Variants in PDE3A observed in about 807,000 individuals in gnomAD.
PDE3A encodes the protein cGMP-inhibited 3',5'-cyclic phosphodiesterase 3A.
A neutral mutation model predicts 98.3 loss-of-function variants in PDE3A; 43 were observed. The observed-to-expected ratio is 0.44, with a 90% confidence interval of 0.34 to 0.56. The LOEUF is 0.56. PDE3A is among the 20% of genes least tolerant of loss of function. The pLI is 0.01. For missense variants in PDE3A, 1,427 were observed against 1,440.7 expected, an observed-to-expected ratio of 0.99 and a Z score of 0.15; for synonymous variants, 663 against 567.9, an observed-to-expected ratio of 1.17 and a Z score of -2.38.
At chr12:20,668,673 G>C (rs1199961682) in intron 15 of PDE3A, among the ~76,000 whole-genome samples, 1 of 150,370 alleles carries the variant, frequency 6.7e-6, no homozygotes, top group Admixed American at 6.6e-5. Flanking sequence ...AAACAGAAAG[G>C]ACATCCACAC....
At chr12:20,677,642 G>A (rs1402971650) in intron 15 of PDE3A, among the ~76,000 whole-genome samples, 1 of 152,064 alleles carries the variant, frequency 6.6e-6, no homozygotes, top group East Asian at 1.9e-4. Flanking sequence ...TGTATTTTTA[G>A]TAGAGACGGG....
At chr12:20,627,619 C>A (rs1944294955) in intron 5 of PDE3A, among the ~76,000 whole-genome samples, 1 of 151,564 alleles carries the variant, frequency 6.6e-6, no homozygotes, top group Admixed American at 6.6e-5. Context: ...ATCTAAAGAG[C>A]ATTTCTGTTC....
At chr12:20,659,316 C>T (rs1159018311) in intron 15 of PDE3A, among the ~76,000 whole-genome samples, 1 of 152,026 alleles carries the variant, frequency 6.6e-6, no homozygotes, top group Non-Finnish European at 1.5e-5. Context: ...TTATTCTGTA[C>T]AGTACAAGAA....
rs950522731 is a variant in PDE3A, at chr12:20,553,585, G to T, written c.961-3075G>T. On this transcript the variant is annotated intron_variant, in intron 1 of 15. Transcript: ENST00000359062. ...CATCTCGGGCCTAGTTCAAACCTTTGCCTCAAAGCCATCCCCCACCAGACT... is the reference window on the plus strand; with the variant it reads ...CATCTCGGGCCTAGTTCAAACCTTTTCCTCAAAGCCATCCCCCACCAGACT... 9.5e-5 allele frequency among the ~76,000 whole-genome samples: 14 copies of T among 146,624 alleles called. No homozygotes were observed. In the East Asian group the frequency reaches 2.4e-3, roughly 25 times the overall value.
chr12:20,571,752 A>T, intron 2 of PDE3A: 1 of 183,156 alleles, frequency 5.5e-6, no homozygotes, highest in Non-Finnish European at 1.0e-5. Context: ...TCCCAGCTCT[A>T]AGCACTGTTT....
At chr12:20,376,847 T>C (rs1267887557) in intron 1 of PDE3A, among the ~76,000 whole-genome samples, 1 of 151,864 alleles carries the variant, frequency 6.6e-6, no homozygotes, top group Admixed American at 6.6e-5. Flanking sequence ...ATTTCGAAGA[T>C]GGAAAGCTAT....
chr12:20,453,585 A>G (rs538802147), intron 1 of PDE3A, among the ~76,000 whole-genome samples: 2 of 152,330 alleles, frequency 1.3e-5, no homozygotes, highest in East Asian at 3.9e-4. Flanking sequence ...AGAACTAAGT[A>G]AAATAGAAAG....
At chr12:20,510,169 T>G (rs11613220) in intron 1 of PDE3A, among the ~76,000 whole-genome samples, 32,564 of 151,990 alleles carry the variant, frequency 0.21, 3,644 homozygotes, top group Non-Finnish European at 0.24. Context: ...TTCATTTAGC[T>G]GATTTTTAAC....
chr12:20,525,409 A>G (rs1946498021), intron 1 of PDE3A, among the ~76,000 whole-genome samples: 1 of 150,200 alleles, frequency 6.7e-6, no homozygotes, highest in South Asian at 2.1e-4. Flanking sequence ...GATTTTAAGA[A>G]TAATAATGTT....
chr12:20,439,951 A>G (rs1002704647), intron 1 of PDE3A, among the ~76,000 whole-genome samples: 13 of 152,172 alleles, frequency 8.5e-5, no homozygotes, highest in African/African-American at 3.1e-4. Context: ...TAATTTCCCT[A>G]CATAGTTTGA....
At chr12:20,521,969 C>T (rs1946437631) in intron 1 of PDE3A, among the ~76,000 whole-genome samples, 1 of 152,182 alleles carries the variant, frequency 6.6e-6, no homozygotes, top group African/African-American at 2.4e-5. Flanking sequence ...TTATGACCTC[C>T]ACCTGGCAAC....
At chr12:20,527,670 C>T (rs1946550084) in intron 1 of PDE3A, among the ~76,000 whole-genome samples, 1 of 152,094 alleles carries the variant, frequency 6.6e-6, no homozygotes, top group Non-Finnish European at 1.5e-5. Context: ...ATTAGATCTG[C>T]AGCTGGCTGA....
At chr12:20,483,763 G>T (rs779215128) in intron 1 of PDE3A, among the ~76,000 whole-genome samples, 66 of 152,144 alleles carry the variant, frequency 4.3e-4, no homozygotes, top group Non-Finnish European at 7.8e-4. Flanking sequence ...TGGAGGGAAA[G>T]ATAAATATTA....
Position 20,613,709 on chromosome 12 carries a change from T to TA in PDE3A, c.1269+11dup. Reference sequence around the variant, plus strand: ...AGCTTGCTATTCCAAAGGTAGGTAGTAATGACATACCCCTTAAAGGGTTAA... The same window carrying TA: ...AGCTTGCTATTCCAAAGGTAGGTAGTAAATGACATACCCCTTAAAGGGTTAA... On this transcript the variant is annotated intron_variant, in intron 3 of 15. Transcript: ENST00000359062. The TA allele has an allele frequency of 1.2e-6, 2 of 1,610,432 alleles. No homozygotes were observed. Among genetic ancestry groups the TA allele is most frequent in the Non-Finnish European group, 1.7e-6 (2 of 1,176,654 alleles).
Position 20,685,816 on chromosome 12 carries a change from A to T in PDE3A, c.*5545A>T, listed in dbSNP as rs1945946038. 6.6e-6 allele frequency among the ~76,000 whole-genome samples: 1 copy of T among 152,204 alleles called. No homozygotes were observed. Among genetic ancestry groups the T allele is most frequent in the Non-Finnish European group, 1.5e-5 (1 of 68,034 alleles). On this transcript the variant is annotated 3_prime_UTR_variant, in exon 16 of 16. Transcript: ENST00000359062. ...TTCATGTTCTGACAATGAAGCAATG[A>T]TTTCCTCATTGCTTTGCATTAAGAA... is the stretch of plus-strand genomic sequence containing the variant.
intron 1 of PDE3A, among the ~76,000 whole-genome samples, chr12:20,512,927 T>C (rs1411853615): frequency 6.6e-6 from 1 of 152,164 alleles, no homozygotes; most frequent in Admixed American, 6.6e-5. Context: ...GTATTATTCA[T>C]AATAGAAGTC....
At chr12:20,599,327 G>A (rs1592096862) in intron 2 of PDE3A, among the ~76,000 whole-genome samples, 1 of 151,934 alleles carries the variant, frequency 6.6e-6, no homozygotes, top group Non-Finnish European at 1.5e-5. Flanking sequence ...TCTCTTTGTT[G>A]CCTTTTCAAG....
At chr12:20,463,463 A>G (rs1330984221) in intron 1 of PDE3A, among the ~76,000 whole-genome samples, 1 of 152,116 alleles carries the variant, frequency 6.6e-6, no homozygotes, top group Admixed American at 6.6e-5. Flanking sequence ...TATACTTGTT[A>G]TTTATTGCTC....
At chr12:20,489,865 G>A (rs1945800025) in intron 1 of PDE3A, among the ~76,000 whole-genome samples, 1 of 152,132 alleles carries the variant, frequency 6.6e-6, no homozygotes, top group African/African-American at 2.4e-5. Flanking sequence ...TGTTTGCTCA[G>A]GAAACACAGG....
Sources: allele counts gnomAD v4.1 joint callset (sites outside exome capture counted in the v4.1 genomes callset), GRCh38; gene constraint gnomAD v4.1.1; transcripts MANE v1.5; gene names NCBI Gene and HGNC (gene_info 2026-07-23, HGNC 2026-07-21).